The following VTI1A variants were observed in gnomAD, a reference collection of about 807,000 sequenced individuals.
The protein encoded by VTI1A is vesicle transport through interaction with t-SNAREs homolog 1A.
VTI1A carries 22 observed loss-of-function variants against 34.9 expected under a neutral mutation model. That is an observed-to-expected ratio of 0.63 (90% CI 0.45 to 0.90). The LOEUF (loss-of-function observed/expected upper bound fraction) is 0.90. Ranked by LOEUF, VTI1A falls within the 40% of genes least tolerant of loss-of-function variation. VTI1A has a pLI of 0.00. For missense variants in VTI1A, 268 were observed against 275.6 expected, an observed-to-expected ratio of 0.97 and a Z score of 0.20; for synonymous variants, 87 against 97.3, an observed-to-expected ratio of 0.89 and a Z score of 0.62.
chr10:112,582,036 C>T (rs1843966864), intron 5 of VTI1A, among the ~76,000 whole-genome samples: 1 of 152,118 alleles, frequency 6.6e-6, no homozygotes, highest in African/African-American at 2.4e-5. Flanking sequence ...GCTCAGGCTA[C>T]CATAACAGAA....
At chr10:112,596,817 A>G (rs1205854629) in intron 5 of VTI1A, among the ~76,000 whole-genome samples, 1 of 151,944 alleles carries the variant, frequency 6.6e-6, no homozygotes, top group Admixed American at 6.6e-5. Context: ...TGATGTGTTT[A>G]TGTTTCTCTT....
Position 112,573,410 on chromosome 10 carries a change from G to A in VTI1A, c.427+35080G>A, listed in dbSNP as rs188647627. Among the ~76,000 whole-genome samples, 427 of 149,648 alleles carry A rather than the reference G, an allele frequency of 2.9e-3. 1 individual carries two copies. The highest frequency in any genetic ancestry group is 9.9e-3 in the African/African-American group (405 of 40,834). On this transcript the variant is annotated intron_variant, in intron 5 of 7. Transcript: ENST00000393077. ...TGATAATAGAGGGTATGTTTATTAG[G>A]AAAAAAAAACCCTAATGGTATTCAT...
chr10:112,830,849 A>ATAT, the VTI1A span, among the ~76,000 whole-genome samples: 21 of 33,500 alleles, frequency 6.3e-4, 1 homozygote, highest in East Asian at 2.9e-3. Flanking sequence ...ATATATATAT[A>ATAT]TTTTTTTTTT....
intron 7 of VTI1A, among the ~76,000 whole-genome samples, chr10:112,805,937 A>C (rs536734134): frequency 1.3e-5 from 2 of 152,208 alleles, no homozygotes; most frequent in Non-Finnish European, 2.9e-5. Context: ...TGCCGGCCCT[A>C]GCACACTAAT....
At chr10:112,760,480 A>G (rs1019973646) in intron 7 of VTI1A, among the ~76,000 whole-genome samples, 3 of 152,224 alleles carry the variant, frequency 2.0e-5, no homozygotes, top group Non-Finnish European at 2.9e-5. Flanking sequence ...ATCCTGTTCT[A>G]TTCTAAAATG....
At chr10:112,701,671 A>G (rs1215864469) in intron 7 of VTI1A, among the ~76,000 whole-genome samples, 1 of 152,216 alleles carries the variant, frequency 6.6e-6, no homozygotes, top group Non-Finnish European at 1.5e-5. Context: ...AAGTGAGATT[A>G]TACTTGATTA....
At chr10:112,466,360 T>A (rs1847893442) in intron 3 of VTI1A, among the ~76,000 whole-genome samples, 1 of 152,178 alleles carries the variant, frequency 6.6e-6, no homozygotes, top group Admixed American at 6.5e-5. Context: ...ACTATCTTGA[T>A]AAGTTGAGGT....
At chr10:112,594,154 G>A (rs1478293262) in intron 5 of VTI1A, among the ~76,000 whole-genome samples, 2 of 152,122 alleles carry the variant, frequency 1.3e-5, no homozygotes, top group African/African-American at 2.4e-5. Context: ...CTTGTGATCC[G>A]CCTCGGCCTC....
intron 2 of VTI1A, among the ~76,000 whole-genome samples, chr10:112,462,896 T>TTTTATTTATTTATTTA (rs59884374): frequency 1.2e-4 from 18 of 144,836 alleles, no homozygotes; most frequent in Admixed American, 1.4e-4. Context: ...TGTTACTGGT[T>TTTTATTTATTTATTTA]TTTATTTATT....
intron 7 of VTI1A, among the ~76,000 whole-genome samples, chr10:112,722,555 G>A (rs1392232763): frequency 1.3e-5 from 2 of 152,110 alleles, no homozygotes; most frequent in Non-Finnish European, 2.9e-5. Flanking sequence ...ATATGAGCCT[G>A]CAACATGCTG....
chr10:112,694,565 T>G (rs1307976759), intron 7 of VTI1A, among the ~76,000 whole-genome samples: 1 of 152,098 alleles, frequency 6.6e-6, no homozygotes. Context: ...ATGGCAGAGT[T>G]AGTCTCTTTA....
Position 112,518,125 on chromosome 10 carries a change from C to T in VTI1A, c.265-8962C>T, listed in dbSNP as rs532721797. Among the ~76,000 whole-genome samples, 7 of 152,010 alleles carry T rather than the reference C, an allele frequency of 4.6e-5. No homozygotes were observed. The East Asian group carries it at 1.4e-3, about 29-fold the overall frequency. ...AAGTCATTGGTGATCTTTGGAAGAC[C>T]TGCAGAGTGGTAGGAAGAAATCCAG... On this transcript the variant is annotated intron_variant, in intron 3 of 7. Transcript: ENST00000393077.
At chr10:112,519,699 C>G (rs756039426) in intron 3 of VTI1A, among the ~76,000 whole-genome samples, 1 of 152,028 alleles carries the variant, frequency 6.6e-6, no homozygotes, top group South Asian at 2.1e-4. Flanking sequence ...CTTGTTCTGC[C>G]TCATCTTTCC....
chr10:112,500,729 C>T (rs1849204350), intron 3 of VTI1A, among the ~76,000 whole-genome samples: 1 of 152,178 alleles, frequency 6.6e-6, no homozygotes, highest in African/African-American at 2.4e-5. Flanking sequence ...TTTAAGGCCT[C>T]CTATGATGGA....
chr10:112,488,317 A>T (rs1040595249), intron 3 of VTI1A, among the ~76,000 whole-genome samples: 1 of 152,236 alleles, frequency 6.6e-6, no homozygotes, highest in East Asian at 1.9e-4. Flanking sequence ...GAATAGATGA[A>T]TAAGGTTATC....
the VTI1A span, among the ~76,000 whole-genome samples, chr10:112,843,791 C>T: frequency 6.6e-6 from 1 of 152,100 alleles, no homozygotes; most frequent in Admixed American, 6.5e-5. Flanking sequence ...CATAACCACC[C>T]CCAATCCCCT....
chr10:112,472,371 C>A (rs1210379872), intron 3 of VTI1A, among the ~76,000 whole-genome samples: 1 of 152,146 alleles, frequency 6.6e-6, no homozygotes, highest in African/African-American at 2.4e-5. Context: ...TCCTAGAAAT[C>A]CAACTACCTG....
At chr10:112,632,312 T>A (rs2134625875) in intron 5 of VTI1A, among the ~76,000 whole-genome samples, 1 of 152,328 alleles carries the variant, frequency 6.6e-6, no homozygotes, top group African/African-American at 2.4e-5. Context: ...GAACACAAAG[T>A]ATTTTTGTGT....
At chr10:112,618,506 T>TAG (rs1452998530) in intron 5 of VTI1A, among the ~76,000 whole-genome samples, 29 of 33,602 alleles carry the variant, frequency 8.6e-4, no homozygotes, top group African/African-American at 2.2e-3. Flanking sequence ...TATATATATA[T>TAG]ATATATATAT....
Sources: gnomAD v4.1 joint callset for allele counts (sites outside exome capture counted in the v4.1 genomes callset) on GRCh38, gnomAD v4.1.1 for gene constraint, MANE v1.5 for transcripts, NCBI Gene and HGNC (gene_info 2026-07-23, HGNC 2026-07-21) for gene names.